CSMD1: variants seen among roughly 807,000 people sequenced by gnomAD.
CSMD1 encodes CUB and sushi domain-containing protein 1.
In CSMD1, 213 loss-of-function variants were observed where a neutral mutation model predicts 417.5. The ratio of observed to expected loss-of-function variants is 0.51; its 90% CI spans 0.46 to 0.57. The LOEUF is 0.57. Among genes scored for constraint, CSMD1 ranks in the 20% least tolerant of loss-of-function variants. The pLI, the probability that CSMD1 is intolerant of heterozygous loss-of-function variation, is 0.00. For missense variants in CSMD1, 6,923 were observed against 4,529.7 expected (o/e 1.53, Z -15.17); for synonymous variants, 2,862 against 1,736.8 (o/e 1.65, Z -16.11).
chr8:3,767,450 G>C (rs745579370), intron 5 of CSMD1, among the ~76,000 whole-genome samples: 2 of 152,182 alleles, frequency 1.3e-5, no homozygotes, highest in Non-Finnish European at 2.9e-5. Flanking sequence ...TGCTACTGCA[G>C]ACTGCAAGCT....
chr8:4,438,581 T>C (rs1197783020), intron 2 of CSMD1, among the ~76,000 whole-genome samples: 1 of 152,188 alleles, frequency 6.6e-6, no homozygotes, highest in Non-Finnish European at 1.5e-5. Context: ...TGGGGAGCCC[T>C]GCACAGTCAC....
In CSMD1 at chr8:4,802,926, A is replaced by G. The variant is rs531608543; in HGVS notation, c.86-165368T>C. 1.9e-3 allele frequency among the ~76,000 whole-genome samples: 284 copies of G among 152,312 alleles called. 1 individual carries two copies. Among genetic ancestry groups the G allele is most frequent in the African/African-American group, 6.4e-3 (265 of 41,574 alleles). On this transcript the variant is annotated intron_variant, in intron 1 of 69. Coordinates refer to ENST00000635120, the MANE Select transcript of CSMD1 (RefSeq NM_033225.6). ...GTGACATTAACCACTGGAGAGAGGC[A>G]GAATAAAGTGATCTTAGTGCTGGCT...
In CSMD1 at chr8:3,247,148, T is replaced by C. The variant is rs954340547; in HGVS notation, c.4154-16917A>G. 2.6e-5 allele frequency among the ~76,000 whole-genome samples: 4 copies of C among 152,078 alleles called. No individual in the cohort carries two copies. In the South Asian group the frequency reaches 6.2e-4, roughly 24 times the overall value. ...TGATGTCTCATTTGCCCCTAAATGT[T>C]TGTGGGATGCAGGGCAAGGGCAGAA... On this transcript the variant is annotated intron_variant, in intron 26 of 69. Transcript: ENST00000635120.
At chr8:4,049,380 T>A (rs58979716) in intron 3 of CSMD1, among the ~76,000 whole-genome samples, 2 of 151,510 alleles carry the variant, frequency 1.3e-5, no homozygotes, top group Admixed American at 6.6e-5. Flanking sequence ...CAAAAATCTC[T>A]GCAGACATTG....
intron 49 of CSMD1, among the ~76,000 whole-genome samples, chr8:3,080,628 A>G (rs1191222706): frequency 6.6e-6 from 1 of 152,180 alleles, no homozygotes; most frequent in Non-Finnish European, 1.5e-5. Flanking sequence ...TGCCACTTTG[A>G]ACCCCACAAT....
At chr8:4,343,654 G>A (rs1050134508) in intron 3 of CSMD1, among the ~76,000 whole-genome samples, 3 of 152,130 alleles carry the variant, frequency 2.0e-5, no homozygotes, top group African/African-American at 7.2e-5. Context: ...CATCTCCTAG[G>A]AGACAAAGTC....
intron 54 of CSMD1, among the ~76,000 whole-genome samples, chr8:2,993,767 C>A (rs549448217): frequency 2.6e-5 from 4 of 152,094 alleles, no homozygotes; most frequent in Non-Finnish European, 5.9e-5. Flanking sequence ...ACAATGAAGA[C>A]AGCTCCCGTC....
At chr8:3,386,799 T>C (rs1011526387) in intron 18 of CSMD1, among the ~76,000 whole-genome samples, 2 of 152,178 alleles carry the variant, frequency 1.3e-5, no homozygotes. Context: ...AATGTTATAC[T>C]GGGGTTATAT....
chr8:3,600,951 G>A (rs973112024), intron 8 of CSMD1, among the ~76,000 whole-genome samples: 2 of 152,188 alleles, frequency 1.3e-5, no homozygotes, highest in African/African-American at 4.8e-5. Flanking sequence ...GGAATTGATT[G>A]CAATGTCAAG....
At chr8:4,215,966 T>C (rs952078188) in intron 3 of CSMD1, among the ~76,000 whole-genome samples, 1 of 152,198 alleles carries the variant, frequency 6.6e-6, no homozygotes, top group Non-Finnish European at 1.5e-5. Flanking sequence ...TTGGCATTTT[T>C]ATCCAGACTT....
chr8:4,568,886 T>G (rs1214331005), intron 2 of CSMD1, among the ~76,000 whole-genome samples: 1 of 152,258 alleles, frequency 6.6e-6, no homozygotes, highest in East Asian at 1.9e-4. Flanking sequence ...GATGATCCTT[T>G]TTTTCATATG....
chr8:4,118,885 T>G (rs750594682), intron 3 of CSMD1, among the ~76,000 whole-genome samples: 15 of 152,186 alleles, frequency 9.9e-5, no homozygotes, highest in African/African-American at 3.6e-4. Flanking sequence ...ATGTGGCACA[T>G]ATACACCATG....
intron 5 of CSMD1, among the ~76,000 whole-genome samples, chr8:3,925,615 G>C (rs1482618391): frequency 6.6e-6 from 1 of 152,008 alleles, no homozygotes; most frequent in Non-Finnish European, 1.5e-5. Context: ...TCTCGCAACA[G>C]TGAATAAGTC....
chr8:2,997,280 T>G (rs2128952765), intron 54 of CSMD1, among the ~76,000 whole-genome samples: 1 of 152,346 alleles, frequency 6.6e-6, no homozygotes, highest in African/African-American at 2.4e-5. Flanking sequence ...AGTAGCCAAC[T>G]TCTATACAAC....
intron 1 of CSMD1, among the ~76,000 whole-genome samples, chr8:4,711,353 C>G (rs1255846162): frequency 6.6e-6 from 1 of 152,036 alleles, no homozygotes; most frequent in African/African-American, 2.4e-5. Context: ...TTATTGATAG[C>G]CAAAGTTTCC....
intron 3 of CSMD1, among the ~76,000 whole-genome samples, chr8:4,402,639 C>G (rs1012860209): frequency 1.3e-5 from 2 of 152,082 alleles, no homozygotes; most frequent in African/African-American, 2.4e-5. Context: ...CAAGACCTAT[C>G]CCTCATCACA....
At chr8:3,668,223 C>T (rs1379240860) in intron 7 of CSMD1, among the ~76,000 whole-genome samples, 4 of 152,098 alleles carry the variant, frequency 2.6e-5, no homozygotes, top group Non-Finnish European at 4.4e-5. Context: ...AAACTGACAT[C>T]CGTCCACCAC....
chr8:4,747,334 A>C (rs1021334694), intron 1 of CSMD1, among the ~76,000 whole-genome samples: 1 of 152,192 alleles, frequency 6.6e-6, no homozygotes, highest in Non-Finnish European at 1.5e-5. Flanking sequence ...AAATATGAAG[A>C]ATTTGCTATA....
At chr8:4,136,868 G>A (rs1647353) in intron 3 of CSMD1, among the ~76,000 whole-genome samples, 2 of 152,176 alleles carry the variant, frequency 1.3e-5, no homozygotes, top group African/African-American at 4.8e-5. Context: ...GATTATTTAC[G>A]AATTTCAGAG....
Sources: gnomAD v4.1 joint callset for allele counts (sites outside exome capture counted in the v4.1 genomes callset) on GRCh38, gnomAD v4.1.1 for gene constraint, MANE v1.5 for transcripts, NCBI Gene and HGNC (gene_info 2026-07-23, HGNC 2026-07-21) for gene names.